SPG7: variants seen among roughly 807,000 people sequenced by gnomAD.
SPG7 encodes mitochondrial inner membrane m-AAA protease component paraplegin.
SPG7 carries 103 observed loss-of-function variants against 81.9 expected under a neutral mutation model. The observed-to-expected ratio is 1.26, with a 90% confidence interval of 1.07 to 1.48. SPG7 has a LOEUF of 1.48. Among genes scored for constraint, SPG7 ranks in the 40% most tolerant of loss-of-function variants. The probability of loss-of-function intolerance (pLI) is 0.00; values close to 1 mark genes in which losing one functional copy is unlikely to be tolerated. For synonymous variants in SPG7, 534 were observed against 444.2 expected, an observed-to-expected ratio of 1.20 and a Z score of -2.54; for missense variants, 1,241 against 1,087.3, an observed-to-expected ratio of 1.14 and a Z score of -1.99.
intron 2 of SPG7, among the ~76,000 whole-genome samples, chr16:89,511,520 C>T (rs1388250751): frequency 1.3e-5 from 2 of 152,224 alleles, no homozygotes; most frequent in African/African-American, 4.8e-5. Flanking sequence ...GCCCACTGGC[C>T]GTGCATCAGC....
intron 9 of SPG7, among the ~76,000 whole-genome samples, chr16:89,536,241 G>A (rs1260583820): frequency 2.5e-5 from 3 of 120,562 alleles, no homozygotes; most frequent in Non-Finnish European, 3.5e-5. Context: ...GGTGCTGTGT[G>A]GCCTTCAGTG....
At chr16:89,532,097 G>A (rs754020844) in intron 8 of SPG7, 31 bp downstream of exon 8, 55 of 1,607,210 alleles carry the variant, frequency 3.4e-5, no homozygotes, top group Non-Finnish European at 4.3e-5. Context: ...CTGTGGGTGG[G>A]CTTGGCTGAC....
At chr16:89,532,337 G>A (rs1043025448) in intron 8 of SPG7, 126 bp from the exon 9 acceptor site, 3 of 1,250,678 alleles carry the variant, frequency 2.4e-6, no homozygotes, top group African/African-American at 3.0e-5. Flanking sequence ...CCGTGTGTCT[G>A]TTTGTAGGGA....
At chr16:89,556,285 T>C in intron 16 of SPG7, 1 of 395,534 alleles carries the variant, frequency 2.5e-6, no homozygotes, top group Non-Finnish European at 4.4e-6. Flanking sequence ...TCTGGAAGAG[T>C]GAGGAAAGGA....
At chr16:89,551,209 C>T (rs1425309283) in intron 13 of SPG7, 5 of 175,784 alleles carry the variant, frequency 2.8e-5, no homozygotes, top group East Asian at 1.4e-4. Context: ...GGTCTCTACT[C>T]GGAACGCAGG....
chr16:89,524,305 T>G, intron 4 of SPG7, 58 bp downstream of exon 4: 1 of 1,566,108 alleles, frequency 6.4e-7, no homozygotes, highest in South Asian at 1.2e-5. Context: ...TGGCAGCCTG[T>G]GAGAGTGAGG....
At chr16:89,535,022 C>T (rs1206847267) in intron 9 of SPG7, among the ~76,000 whole-genome samples, 1 of 152,206 alleles carries the variant, frequency 6.6e-6, no homozygotes, top group Non-Finnish European at 1.5e-5. Flanking sequence ...AGGTGGGCTT[C>T]ACTGTTCCTC....
At chr16:89,548,689 G>C (rs1461295177) in intron 12 of SPG7, 1 of 342,100 alleles carries the variant, frequency 2.9e-6, no homozygotes, top group African/African-American at 2.2e-5. Context: ...TTCCGTGGCT[G>C]CTCAGTGTGG....
At chr16:89,524,660 G>A (rs992459340) in intron 4 of SPG7, among the ~76,000 whole-genome samples, 1 of 152,022 alleles carries the variant, frequency 6.6e-6, no homozygotes, top group Admixed American at 6.6e-5. Flanking sequence ...GGCAAGGCTG[G>A]TCTCGAACTC....
chr16:89,526,351 T>C lies in SPG7; in HGVS notation c.641T>C (p.Met214Thr). The C allele has an allele frequency of 6.2e-7, 1 of 1,614,170 alleles. No homozygotes were observed. Residue 214 changes from methionine to threonine, a missense_variant, in exon 5 of 17, where the codon ATG becomes ACG. Met to Thr is a moderately conservative substitution (Grantham distance 81, BLOSUM62 -1). Transcript: ENST00000645818. Reference protein sequence around the residue: ...GRPRLALMYRMQVANIDKFEE... With the variant: ...GRPRLALMYRTQVANIDKFEE... Reference sequence around the variant, plus strand: ...CAGCGGCTAGCCTTGATGTACCGAATGCAGGTTGCAAATATTGACAAGTTT... The same window carrying C: ...CAGCGGCTAGCCTTGATGTACCGAACGCAGGTTGCAAATATTGACAAGTTT...
chr16:89,530,389 C>A (rs2058325329), intron 6 of SPG7: 2 of 439,200 alleles, frequency 4.6e-6, no homozygotes, highest in Non-Finnish European at 8.5e-6. Flanking sequence ...CGTGATCCGC[C>A]CATCTCGGCC....
At chr16:89,535,375 G>C (rs1301355861) in intron 9 of SPG7, among the ~76,000 whole-genome samples, 1 of 152,198 alleles carries the variant, frequency 6.6e-6, no homozygotes. Context: ...TCTAGGCTCT[G>C]AAAGCTCTGA....
intron 9 of SPG7, chr16:89,537,089 C>T: frequency 6.5e-7 from 1 of 1,528,736 alleles, no homozygotes. Context: ...AAACAAGTCC[C>T]TTTATGCAGA....
At chr16:89,544,481 A>G (rs979430207) in intron 9 of SPG7, 167 bp from the exon 10 acceptor site, 39 of 728,530 alleles carry the variant, frequency 5.4e-5, no homozygotes, top group South Asian at 1.5e-5. Flanking sequence ...GCTGGCTGGG[A>G]GCGATGGGGG....
chr16:89,509,543 C>T (rs1247568770), intron 1 of SPG7, among the ~76,000 whole-genome samples: 1 of 152,178 alleles, frequency 6.6e-6, no homozygotes, highest in African/African-American at 2.4e-5. Flanking sequence ...AGCCACCGCG[C>T]CCGGCCATAA....
chr16:89,514,308 C>CTTTTTTTTTTTT (rs148270097), intron 3 of SPG7: 1 of 48,418 alleles, frequency 2.1e-5, no homozygotes. Context: ...TGTCCTTTGA[C>CTTTTTTTTTTTT]TTTTTTTTTT....
At chr16:89,541,039 A>T (rs1414233898) in intron 9 of SPG7, 1 of 984,684 alleles carries the variant, frequency 1.0e-6, no homozygotes, top group African/African-American at 1.8e-5. Context: ...TATCCTTATC[A>T]CGGTGTTGTA....
At chr16:89,548,767 A>G (rs1227254647) in intron 12 of SPG7, 2 of 362,504 alleles carry the variant, frequency 5.5e-6, no homozygotes, top group African/African-American at 2.1e-5. Context: ...TTCCATAGCT[A>G]TGATGGCAAC....
At chr16:89,515,148 G>A (rs945742345) in intron 3 of SPG7, among the ~76,000 whole-genome samples, 1 of 151,390 alleles carries the variant, frequency 6.6e-6, no homozygotes, top group African/African-American at 2.4e-5. Context: ...GTGTTAGCCA[G>A]GATGGTCTCA....
Sources: gnomAD v4.1 joint callset for allele counts (sites outside exome capture counted in the v4.1 genomes callset) on GRCh38, gnomAD v4.1.1 for gene constraint, MANE v1.5 for transcripts, NCBI Gene and HGNC (gene_info 2026-07-23, HGNC 2026-07-21) for gene names.